TMEM232: variants seen among roughly 807,000 people sequenced by gnomAD.
TMEM232 encodes the protein transmembrane protein 232.
TMEM232 carries 80 observed loss-of-function variants against 78.8 expected under a neutral mutation model. The observed-to-expected ratio is 1.01, with a 90% confidence interval of 0.85 to 1.22. TMEM232 has a LOEUF of 1.22. TMEM232 is among the 50% of genes most tolerant of loss of function. The probability of loss-of-function intolerance (pLI) is 0.00; values close to 1 mark genes in which losing one functional copy is unlikely to be tolerated. For missense variants in TMEM232, 881 were observed against 742.2 expected (o/e 1.19, Z -2.17); for synonymous variants, 297 against 254.3 (o/e 1.17, Z -1.60).
At position 110,512,616 on chromosome 5, in the gene TMEM232, C is replaced by T. The variant is rs544174782; in HGVS notation, c.1703+15972G>A. 5.3e-5 allele frequency among the ~76,000 whole-genome samples: 8 copies of T among 152,298 alleles called. No homozygotes were observed. The South Asian group carries it at 1.7e-3, about 32-fold the overall frequency. Reference sequence around the variant, plus strand: ...TGACAGGCGGACAGAAATCTGAAAACATCTGCCCTGGATACGAACGCTTCA... The same window carrying T: ...TGACAGGCGGACAGAAATCTGAAAATATCTGCCCTGGATACGAACGCTTCA... On this transcript the variant is annotated intron_variant, in intron 12 of 13. Coordinates refer to ENST00000455884, the MANE Select transcript of TMEM232 (RefSeq NM_001039763.4).
chr5:110,485,959 C>T (rs1047481528), intron 12 of TMEM232, among the ~76,000 whole-genome samples: 1 of 152,056 alleles, frequency 6.6e-6, no homozygotes, highest in Non-Finnish European at 1.5e-5. Context: ...TTCCTGATCA[C>T]TGCATCCATG....
downstream of TMEM232, among the ~76,000 whole-genome samples, chr5:110,415,336 T>C (rs1006984156): frequency 4.6e-5 from 7 of 151,784 alleles, no homozygotes; most frequent in East Asian, 3.9e-4. Flanking sequence ...TACAGGCGCC[T>C]GCCACCACAC....
intron 4 of TMEM232, chr5:110,388,129 A>T (rs777588516): frequency 2.0e-5 from 3 of 152,198 alleles, no homozygotes; most frequent in Non-Finnish European, 4.4e-5. Context: ...GAAATGTGGC[A>T]GACCGCAGCA....
At chr5:110,650,081 T>C (rs945446050) in intron 2 of TMEM232, among the ~76,000 whole-genome samples, 17 of 152,138 alleles carry the variant, frequency 1.1e-4, no homozygotes, top group African/African-American at 3.9e-4. Flanking sequence ...TAACTGGTAC[T>C]ACTATCATGA....
At chr5:110,721,940 CCT>C (rs1424323119) in intron 1 of TMEM232, among the ~76,000 whole-genome samples, 2 of 151,392 alleles carry the variant, frequency 1.3e-5, no homozygotes, top group Admixed American at 6.6e-5. Context: ...TGGCACTGCC[CCT>C]GATAGTTAGA....
At chr5:110,445,861 G>A (rs1418558936) in intron 12 of TMEM232, among the ~76,000 whole-genome samples, 1 of 152,152 alleles carries the variant, frequency 6.6e-6, no homozygotes, top group African/African-American at 2.4e-5. Flanking sequence ...AGGAGTGAGT[G>A]AATGAGAAAG....
At chr5:110,464,661 A>T (rs2149361105) in intron 12 of TMEM232, among the ~76,000 whole-genome samples, 2 of 152,320 alleles carry the variant, frequency 1.3e-5, no homozygotes, top group Middle Eastern at 6.8e-3. Flanking sequence ...GACACCACTA[A>T]GTTTATGGGA....
At chr5:110,515,418 G>A (rs889637324) in intron 12 of TMEM232, among the ~76,000 whole-genome samples, 3 of 152,022 alleles carry the variant, frequency 2.0e-5, no homozygotes, top group Non-Finnish European at 2.9e-5. Flanking sequence ...CCATCATCCC[G>A]TCCCTTAGAT....
chr5:110,494,319 T>C (rs369057901), intron 12 of TMEM232, among the ~76,000 whole-genome samples: 18 of 152,156 alleles, frequency 1.2e-4, no homozygotes, highest in African/African-American at 3.6e-4. Context: ...ATGAAAAGAA[T>C]AGATATTCCA....
intron 1 of TMEM232, among the ~76,000 whole-genome samples, chr5:110,680,684 C>A (rs1792626295): frequency 2.6e-5 from 4 of 151,746 alleles, no homozygotes; most frequent in Admixed American, 1.3e-4. Context: ...ATAGGATGAG[C>A]ATGCTAGATA....
At chr5:110,645,167 C>A (rs539574073) in intron 2 of TMEM232, among the ~76,000 whole-genome samples, 1 of 151,550 alleles carries the variant, frequency 6.6e-6, no homozygotes, top group Non-Finnish European at 1.5e-5. Context: ...TGAATTACTA[C>A]CAACTCTGTT....
chr5:110,393,294 T>C (rs1484360483), intron 3 of TMEM232, among the ~76,000 whole-genome samples: 7 of 152,218 alleles, frequency 4.6e-5, no homozygotes. Flanking sequence ...ATTTTTCTTT[T>C]AATTTTAGTT....
At chr5:110,626,759 G>A (rs1385910124) in intron 6 of TMEM232, among the ~76,000 whole-genome samples, 1 of 152,004 alleles carries the variant, frequency 6.6e-6, no homozygotes. Context: ...AAGATCAGCA[G>A]TGATTTTCTG....
In TMEM232 at chr5:110,498,337, C is replaced by T. The variant is rs755576854; in HGVS notation, c.1703+30251G>A. ...AAAAACAAAAACAAACTAATCATCT[C>T]ACTGAACAGAGGCTGTGCATATTTA... On this transcript the variant is annotated intron_variant, in intron 12 of 13. Coordinates refer to ENST00000455884, the MANE Select transcript of TMEM232 (RefSeq NM_001039763.4). 5.3e-5 allele frequency among the ~76,000 whole-genome samples: 8 copies of T among 152,066 alleles called. No homozygotes were observed. The South Asian group carries it at 6.2e-4, about 12-fold the overall frequency.
At chr5:110,714,445 T>C (rs1004382055) in intron 1 of TMEM232, among the ~76,000 whole-genome samples, 1 of 152,210 alleles carries the variant, frequency 6.6e-6, no homozygotes, top group Non-Finnish European at 1.5e-5. Context: ...GAACTGTGCC[T>C]TGTATAGCCC....
chr5:110,474,023 T>C (rs1014692514), intron 12 of TMEM232, among the ~76,000 whole-genome samples: 2 of 148,124 alleles, frequency 1.4e-5, no homozygotes, highest in Admixed American at 6.8e-5. Flanking sequence ...GGTTGATCAA[T>C]AGGTACACAA....
chr5:110,562,073 G>A (rs992689063), intron 11 of TMEM232, among the ~76,000 whole-genome samples: 3 of 152,044 alleles, frequency 2.0e-5, no homozygotes, highest in African/African-American at 7.2e-5. Context: ...CATACCATGA[G>A]TTCCAAAGCA....
intron 1 of TMEM232, among the ~76,000 whole-genome samples, chr5:110,709,555 T>C (rs1796263745): frequency 1.3e-5 from 2 of 151,666 alleles, no homozygotes; most frequent in African/African-American, 2.4e-5. Context: ...CACAATGCAA[T>C]CCAACTAGAA....
chr5:110,448,445 C>G (rs1759903833), intron 12 of TMEM232, among the ~76,000 whole-genome samples: 1 of 152,032 alleles, frequency 6.6e-6, no homozygotes, highest in South Asian at 2.1e-4. Flanking sequence ...GAAACTAACA[C>G]CTAGCCAATA....
Sources: allele counts gnomAD v4.1 joint callset (sites outside exome capture counted in the v4.1 genomes callset), GRCh38; gene constraint gnomAD v4.1.1; transcripts MANE v1.5; gene names NCBI Gene and HGNC (gene_info 2026-07-23, HGNC 2026-07-21).